ZSWIM2: variants seen among roughly 807,000 people sequenced by gnomAD.
ZSWIM2 encodes the protein zinc finger SWIM-type containing 2.
A neutral mutation model predicts 48.4 loss-of-function variants in ZSWIM2; 38 were observed. The observed-to-expected ratio is 0.79, with a 90% CI of 0.61 to 1.03. The LOEUF is 1.03. Among genes scored for constraint, ZSWIM2 ranks in the 50% least tolerant of loss-of-function variants. The probability of loss-of-function intolerance (pLI) is 0.00; values close to 1 mark genes in which losing one functional copy is unlikely to be tolerated. For missense variants in ZSWIM2, 776 were observed against 730.2 expected (o/e 1.06, Z -0.72); for synonymous variants, 240 against 251.3 (o/e 0.96, Z 0.42).
Position 186,828,265 on chromosome 2 carries a change from G to C in ZSWIM2, c.1621C>G (p.Leu541Val). The C allele has an allele frequency of 6.2e-7, 1 of 1,613,704 alleles. No individual in the cohort carries two copies. The highest frequency in any genetic ancestry group is 8.5e-7 in the Non-Finnish European group (1 of 1,179,816). The change falls in exon 9 of 9, where the codon CTA becomes GTA. Residue 541 changes from leucine (L) to valine (V), a missense_variant. Physicochemically the swap from Leu to Val is conservative, Grantham distance 32. Transcript: ENST00000295131. ...PCISGKFHTS[L>V]SRMTKGCKCN... is the part of the protein sequence containing the mutation. ...TTACAGCCTTTGGTCATCCGGCTTA[G>C]ACTAGTGTGAAATTTTCCACTGATG...
At position 186,833,108 on chromosome 2, in the gene ZSWIM2, T is replaced by C. The variant is rs199876503; in HGVS notation, c.941+12A>G. Reference sequence around the variant, plus strand: ...GTCATACAACAAATATAAAATTTACTGGGAACCTCACCCTTGCTTTTCTTG... The same window carrying C: ...GTCATACAACAAATATAAAATTTACCGGGAACCTCACCCTTGCTTTTCTTG... On this transcript the variant is annotated intron_variant, in intron 7 of 8. Transcript: ENST00000295131. 35 of 1,257,150 alleles carry C rather than the reference T, an allele frequency of 2.8e-5. No homozygotes were observed. The highest frequency in any genetic ancestry group is 3.7e-5 in the Non-Finnish European group (34 of 912,948). The allele number at this position is 1,257,150 out of a possible 1,614,324, so 77.9% of individuals were successfully genotyped here. A position where few individuals can be genotyped will look rare whatever the true frequency, so the allele number is the denominator to read the frequency against.
At chr2:186,829,986 CT>C (rs1192233038) in intron 7 of ZSWIM2, 106 bp from the exon 8 acceptor site, 1 of 1,138,622 alleles carries the variant, frequency 8.8e-7, no homozygotes, top group Non-Finnish European at 1.3e-6. Context: ...CAATCGAACC[CT>C]AGGTTTTCTT....
chr2:186,837,522 C>A lies in ZSWIM2; in HGVS notation c.527G>T (p.Cys176Phe). 1 of 1,610,756 alleles carries A rather than the reference C, an allele frequency of 6.2e-7. No homozygotes were observed. ...CTGATAATTAGCTAAGATCTTCATG[C>A]ATTTTATATGAATACTATTGCCACA... ...FGCGNSIHIK[C>F]MKILANYQST... Residue 176 changes from cysteine (C) to phenylalanine (F), a missense_variant, in exon 5 of 9, where the codon TGC becomes TTC. Transcript: ENST00000295131.
chr2:186,830,037 A>C (rs556942346), intron 7 of ZSWIM2, among the ~76,000 whole-genome samples, 157 bp from the exon 8 acceptor site: 28 of 152,202 alleles, frequency 1.8e-4, no homozygotes, highest in Non-Finnish European at 3.8e-4. Context: ...TAAAGTTAAA[A>C]AAATCTATTT....
chr2:186,832,574 C>T (rs1251265503), intron 7 of ZSWIM2, among the ~76,000 whole-genome samples: 1 of 151,898 alleles, frequency 6.6e-6, no homozygotes, highest in South Asian at 2.1e-4. Context: ...GGGAATGAAG[C>T]AAAAAAGACT....
At chr2:186,844,360 TA>T (rs571830478) in intron 3 of ZSWIM2, among the ~76,000 whole-genome samples, 1 of 151,578 alleles carries the variant, frequency 6.6e-6, no homozygotes, top group African/African-American at 2.4e-5. Flanking sequence ...TTCTGGGATC[TA>T]AAAAAATCAC....
In ZSWIM2 at chr2:186,833,157, T is replaced by A; in HGVS notation, c.904A>T (p.Ile302Phe). The change falls in exon 7 of 9, where the codon ATT becomes TTT. Residue 302 changes from isoleucine to phenylalanine, a missense_variant. Transcript: ENST00000295131. Reference protein sequence around the residue: ...VVKYIDTKNEIEEKMSHFQEK... With the variant: ...VVKYIDTKNEFEEKMSHFQEK... ...TGAAAATGTGACATCTTTTCTTCAA[T>A]CTCATTTTTAGTATCTATGTATTTT... is the stretch of plus-strand genomic sequence containing the variant. 1.3e-6 allele frequency: 2 copies of A among 1,513,526 alleles called. No individual in the cohort carries two copies. The highest frequency in any genetic ancestry group is 1.8e-6 in the Non-Finnish European group (2 of 1,131,320). The allele number at this position is 1,513,526 out of a possible 1,614,324, so 93.8% of individuals were successfully genotyped here.
At chr2:186,846,682 T>C (rs568411116) in intron 2 of ZSWIM2, among the ~76,000 whole-genome samples, 3 of 151,924 alleles carry the variant, frequency 2.0e-5, no homozygotes, top group East Asian at 1.9e-4. Context: ...TGAACTCATA[T>C]GTTTATCACA....
rs777944875 is a variant in ZSWIM2 at position 186,849,022 on chromosome 2, T to A, written c.109A>T (p.Met37Leu). 1.9e-6 allele frequency: 3 copies of A among 1,614,138 alleles called. No individual in the cohort carries two copies. The highest frequency in any genetic ancestry group is 1.7e-5 in the Admixed American group (1 of 60,022). The change falls in exon 1 of 9, where the codon ATG becomes TTG. Residue 37 changes from methionine to leucine, a missense_variant. Coordinates refer to ENST00000295131, the MANE Select transcript of ZSWIM2 (RefSeq NM_182521.3). ...LSSSIYLLRE[M>L]GPTGFLLREE... ...CTCAGCAGGAAGCCAGTGGGGCCCA[T>A]CTCTCGTAGGAGGTAGATGCTGCTA...
chr2:186,829,300 A>G (rs532570307), intron 8 of ZSWIM2, among the ~76,000 whole-genome samples: 12 of 152,264 alleles, frequency 7.9e-5, no homozygotes, highest in African/African-American at 2.4e-4. Flanking sequence ...GTTGCTTATC[A>G]ATTATATAGT....
At chr2:186,838,506 T>C (rs1691840185) in intron 4 of ZSWIM2, among the ~76,000 whole-genome samples, 1 of 150,110 alleles carries the variant, frequency 6.7e-6, no homozygotes, top group South Asian at 2.1e-4. Context: ...CATTTATTCA[T>C]GTGTATAAAA....
intron 3 of ZSWIM2, among the ~76,000 whole-genome samples, chr2:186,843,595 A>G (rs1051326631): frequency 6.6e-6 from 1 of 151,676 alleles, no homozygotes; most frequent in Non-Finnish European, 1.5e-5. Flanking sequence ...ATCAGAGAGA[A>G]TATCAAGGTT....
intron 6 of ZSWIM2, 46 bp downstream of exon 6, chr2:186,833,900 C>T (rs201278934): frequency 6.8e-7 from 1 of 1,470,544 alleles, no homozygotes; most frequent in African/African-American, 1.4e-5. Context: ...AGCTCTACAA[C>T]AGGACAAATA....
At chr2:186,845,170 TA>T (rs148253328) in intron 2 of ZSWIM2, among the ~76,000 whole-genome samples, 22,177 of 151,112 alleles carry the variant, frequency 0.15, 2,575 homozygotes, top group African/African-American at 0.33. Flanking sequence ...ACGCATGATA[TA>T]AAAAAATTTT....
chr2:186,827,961 A>C lies in ZSWIM2; in HGVS notation c.*23T>G. ...ACATTTTTTTATATTCAACATTCAA[A>C]TATTTTCAGATAGTAAACTTTTTCA... On this transcript the variant is annotated 3_prime_UTR_variant, in exon 9 of 9. Transcript: ENST00000295131. 6.6e-7 allele frequency: 1 copy of C among 1,505,954 alleles called. No individual in the cohort carries two copies. Among genetic ancestry groups the C allele is most frequent in the Non-Finnish European group, 8.9e-7 (1 of 1,124,988 alleles). 93.3% of individuals were successfully genotyped at this position (1,505,954 alleles called of 1,614,324 possible).
chr2:186,844,354 G>A (rs906081007), intron 3 of ZSWIM2, among the ~76,000 whole-genome samples: 1 of 151,192 alleles, frequency 6.6e-6, no homozygotes, highest in Non-Finnish European at 1.5e-5. Flanking sequence ...GTCTATTTCT[G>A]GGATCTAAAA....
At chr2:186,829,032 T>C (rs1230308173) in intron 8 of ZSWIM2, among the ~76,000 whole-genome samples, 1 of 152,146 alleles carries the variant, frequency 6.6e-6, no homozygotes, top group Non-Finnish European at 1.5e-5. Context: ...ATTTGTAATT[T>C]TGTTAAAAAT....
rs750955841 is a variant in ZSWIM2, at chr2:186,829,876, C to G, written c.946G>C (p.Val316Leu). ...CTTACAATGTGTTTTGGTGTGTAAA[C>G]TTGGCTGAATGAGAATAAGCAGAGA... is the stretch of plus-strand genomic sequence containing the variant. ...MSHFQEKQGQ[V>L]YTPKHIVRSL... Residue 316 changes from valine (V) to leucine (L), a missense_variant, in exon 8 of 9, where the codon GTT becomes CTT. Physicochemically the swap from Val to Leu is conservative, Grantham distance 32 (BLOSUM62 1). Coordinates refer to ENST00000295131, the MANE Select transcript of ZSWIM2 (RefSeq NM_182521.3). 3.1e-6 allele frequency: 5 copies of G among 1,613,240 alleles called. No homozygotes were observed. The highest frequency in any genetic ancestry group is 4.2e-6 in the Non-Finnish European group (5 of 1,179,656).
chr2:186,833,292 G>T (rs10189037), intron 6 of ZSWIM2, 60 bp from the exon 7 acceptor site: 91,467 of 796,856 alleles, frequency 0.11, 7,890 homozygotes, highest in African/African-American at 0.39. Flanking sequence ...ATTTTGTGGA[G>T]AAAAATTAGT....
Sources: gnomAD v4.1 joint callset for allele counts (sites outside exome capture counted in the v4.1 genomes callset) on GRCh38, gnomAD v4.1.1 for gene constraint, MANE v1.5 for transcripts, NCBI Gene and HGNC (gene_info 2026-07-23, HGNC 2026-07-21) for gene names.